SEPTIN7: variants seen among roughly 807,000 people sequenced by gnomAD.
SEPTIN7 encodes the protein septin 7, also known as septin-7.
SEPTIN7 carries 10 observed loss-of-function variants against 63.3 expected under a neutral mutation model. The ratio of observed to expected loss-of-function variants is 0.16; its 90% CI spans 0.10 to 0.27. SEPTIN7 has a LOEUF of 0.27. Among genes scored for constraint, SEPTIN7 ranks in the 10% least tolerant of loss-of-function variants. The pLI is 1.00. For synonymous variants in SEPTIN7, 131 were observed against 165.3 expected, an observed-to-expected ratio of 0.79 and a Z score of 1.59; for missense variants, 310 against 521.0, an observed-to-expected ratio of 0.59 and a Z score of 3.94.
intron 1 of SEPTIN7, among the ~76,000 whole-genome samples, chr7:35,805,275 T>TAATC (rs1788259274): frequency 3.9e-5 from 6 of 152,170 alleles, no homozygotes; most frequent in Admixed American, 3.9e-4. Flanking sequence ...TTTTTTTAGC[T>TAATC]CCATAGTAAT....
chr7:35,863,807 T>TAA, intron 4 of SEPTIN7, 149 bp downstream of exon 4: 2 of 446,410 alleles, frequency 4.5e-6, no homozygotes, highest in Non-Finnish European at 7.8e-6. Flanking sequence ...TCATAAAATT[T>TAA]AAAAAAAAAA....
chr7:35,910,585 T>A (rs533102838), downstream of SEPTIN7, among the ~76,000 whole-genome samples: 1 of 152,372 alleles, frequency 6.6e-6, no homozygotes, highest in East Asian at 1.9e-4. Context: ...CTGCTTTTAA[T>A]ATGCCTATTA....
intron 1 of SEPTIN7, among the ~76,000 whole-genome samples, chr7:35,823,665 T>C (rs1783349516): frequency 6.6e-6 from 1 of 152,218 alleles, no homozygotes; most frequent in East Asian, 1.9e-4. Flanking sequence ...GCCAATTTTA[T>C]TGTACTCAAG....
chr7:35,827,611 C>A (rs1583516729), intron 1 of SEPTIN7, among the ~76,000 whole-genome samples: 1 of 152,136 alleles, frequency 6.6e-6, no homozygotes, highest in African/African-American at 2.4e-5. Flanking sequence ...CTGCCTCAGC[C>A]TCCAGAGTAG....
chr7:35,823,008 C>A (rs943588751), intron 1 of SEPTIN7, among the ~76,000 whole-genome samples: 1 of 152,046 alleles, frequency 6.6e-6, no homozygotes, highest in Non-Finnish European at 1.5e-5. Context: ...CTTGAGCCAT[C>A]CTTTTTTTTC....
At chr7:35,896,863 T>G (rs757643425) in intron 11 of SEPTIN7, among the ~76,000 whole-genome samples, 15 of 152,376 alleles carry the variant, frequency 9.8e-5, no homozygotes, top group Admixed American at 3.3e-4. Flanking sequence ...CAGATCATCT[T>G]AATTCATAGC....
intron 1 of SEPTIN7, among the ~76,000 whole-genome samples, chr7:35,824,097 A>C (rs1366292531): frequency 6.6e-6 from 1 of 152,036 alleles, no homozygotes; most frequent in Non-Finnish European, 1.5e-5. Flanking sequence ...TAAGCATTAA[A>C]AAAAATTGCT....
chr7:35,822,783 A>G (rs1237894584), intron 1 of SEPTIN7, among the ~76,000 whole-genome samples: 9 of 152,242 alleles, frequency 5.9e-5, no homozygotes, highest in Admixed American at 3.3e-4. Flanking sequence ...TCCTTCAAAA[A>G]GAACCCTGCT....
intron 4 of SEPTIN7, among the ~76,000 whole-genome samples, chr7:35,870,680 A>G (rs1786088156): frequency 6.6e-6 from 1 of 152,096 alleles, no homozygotes; most frequent in Non-Finnish European, 1.5e-5. Context: ...CCTAAACTAG[A>G]TGAGATGATA....
At chr7:35,904,108 C>G (rs1788483553) in intron 13 of SEPTIN7, 146 bp from the exon 14 acceptor site, 1 of 517,630 alleles carries the variant, frequency 1.9e-6, no homozygotes, top group Admixed American at 4.1e-5. Context: ...TAGCTGTTTA[C>G]TTCTAAATCT....
At chr7:35,855,333 A>G (rs1380340372) in intron 3 of SEPTIN7, among the ~76,000 whole-genome samples, 1 of 152,192 alleles carries the variant, frequency 6.6e-6, no homozygotes, top group Non-Finnish European at 1.5e-5. Context: ...GTAGTTACAA[A>G]CAGTGCTTAG....
At chr7:35,804,841 T>TTTG (rs1554331244) in intron 1 of SEPTIN7, among the ~76,000 whole-genome samples, 3 of 148,224 alleles carry the variant, frequency 2.0e-5, no homozygotes, top group Non-Finnish European at 4.5e-5. Flanking sequence ...TTTTGTTTTT[T>TTTG]TTTTTTTTTT....
chr7:35,841,387 ATC>A (rs1727421276), intron 3 of SEPTIN7, among the ~76,000 whole-genome samples: 1 of 152,202 alleles, frequency 6.6e-6, no homozygotes, highest in Admixed American at 6.5e-5. Flanking sequence ...ATGATTCTTA[ATC>A]TGTTTTTGCT....
At chr7:35,870,728 C>A (rs1270391585) in intron 4 of SEPTIN7, among the ~76,000 whole-genome samples, 1 of 149,844 alleles carries the variant, frequency 6.7e-6, no homozygotes, top group Non-Finnish European at 1.5e-5. Flanking sequence ...CTTTGGGAGG[C>A]TGAAATGGGA....
At chr7:35,885,937 G>A (rs1787213789) in intron 10 of SEPTIN7, 58 bp downstream of exon 10, 1 of 1,232,732 alleles carries the variant, frequency 8.1e-7, no homozygotes, top group African/African-American at 1.5e-5. Context: ...GTAAGAGTTG[G>A]ACAGATTTAC....
At chr7:35,819,038 G>A (rs190644930) in intron 1 of SEPTIN7, among the ~76,000 whole-genome samples, 1 of 151,880 alleles carries the variant, frequency 6.6e-6, no homozygotes, top group Admixed American at 6.6e-5. Flanking sequence ...AGTTTCTTGA[G>A]ATGGAAGGTT....
chr7:35,850,387 G>C (rs1278625886), intron 3 of SEPTIN7, among the ~76,000 whole-genome samples: 1 of 152,120 alleles, frequency 6.6e-6, no homozygotes, highest in Non-Finnish European at 1.5e-5. Flanking sequence ...ATGAAGGAAG[G>C]AGTTAGAGGA....
intron 3 of SEPTIN7, among the ~76,000 whole-genome samples, chr7:35,836,657 GGAGTT>G (rs1247468640): frequency 1.3e-5 from 2 of 151,974 alleles, no homozygotes; most frequent in African/African-American, 2.4e-5. Flanking sequence ...AGAAAGTTTA[GGAGTT>G]ACTTAGTTAG....
intron 3 of SEPTIN7, among the ~76,000 whole-genome samples, chr7:35,850,491 T>TA (rs1015946220): frequency 2.0e-5 from 3 of 152,216 alleles, no homozygotes; most frequent in Non-Finnish European, 4.4e-5. Context: ...TGAAAGGACT[T>TA]AAAGATTCTG....
Sources: gnomAD v4.1 joint callset for allele counts (sites outside exome capture counted in the v4.1 genomes callset) on GRCh38, gnomAD v4.1.1 for gene constraint, MANE v1.5 for transcripts, NCBI Gene and HGNC (gene_info 2026-07-23, HGNC 2026-07-21) for gene names.